The following PUDP variants were observed in gnomAD, a reference collection of about 807,000 sequenced individuals.
PUDP encodes the protein pseudouridine-5'-phosphatase.
Under a neutral mutation model 9.4 loss-of-function variants are expected in PUDP, and 8 were observed. That is an observed-to-expected ratio of 0.85 (90% CI 0.50 to 1.53). The LOEUF is 1.53. PUDP is among the 40% of genes most tolerant of loss of function. The pLI, the probability that PUDP is intolerant of heterozygous loss-of-function variation, is 0.00. For synonymous variants in PUDP, 99 were observed against 80.7 expected (o/e 1.23, Z -1.22); for missense variants, 188 against 189.7 (o/e 0.99, Z 0.05).
chrX:6,821,459 A>G (rs1926340690), intron 3 of PUDP, among the ~76,000 whole-genome samples: 1 of 110,926 alleles, frequency 9.0e-6, no homozygotes, highest in East Asian at 2.8e-4. Context: ...CCCAGCACTC[A>G]CTTATTGGCA....
upstream of PUDP, among the ~76,000 whole-genome samples, chrX:6,723,973 G>C (rs763248978): frequency 2.7e-5 from 3 of 111,542 alleles, no homozygotes; most frequent in African/African-American, 9.7e-5. Flanking sequence ...AAGCTCAGTT[G>C]ATTGGGTTCA....
At chrX:6,807,344 C>T (rs1404559361) in intron 3 of PUDP, among the ~76,000 whole-genome samples, 2 of 111,710 alleles carry the variant, frequency 1.8e-5, no homozygotes, top group African/African-American at 6.5e-5. Context: ...TTAGGTAGCT[C>T]CAACATAATA....
At chrX:6,855,920 T>C (rs1926898905) in intron 3 of PUDP, among the ~76,000 whole-genome samples, 1 of 111,285 alleles carries the variant, frequency 9.0e-6, no homozygotes, top group Admixed American at 9.7e-5. Flanking sequence ...AATGATTCTC[T>C]CAGTTCTTGC....
intron 1 of PUDP, among the ~76,000 whole-genome samples, chrX:6,716,176 A>G (rs2146653096): frequency 9.0e-6 from 1 of 110,869 alleles, no homozygotes; most frequent in East Asian, 2.8e-4. Context: ...CCCATTTTTG[A>G]GAAGATGCTG....
At chrX:6,804,709 G>A (rs1241294486) in intron 3 of PUDP, among the ~76,000 whole-genome samples, 1 of 111,284 alleles carries the variant, frequency 9.0e-6, no homozygotes, top group East Asian at 2.8e-4. Context: ...GCCTCTGCAT[G>A]GTTGTTGATC....
chrX:6,822,738 G>A (rs1926365994), intron 3 of PUDP, among the ~76,000 whole-genome samples: 1 of 104,869 alleles, frequency 9.5e-6, no homozygotes, highest in African/African-American at 3.5e-5. Flanking sequence ...GGGTACACGT[G>A]ATGGTTTGTT....
chrX:6,814,909 G>A (rs1182605497), intron 3 of PUDP, among the ~76,000 whole-genome samples: 2 of 111,494 alleles, frequency 1.8e-5, no homozygotes, highest in African/African-American at 6.5e-5. Context: ...CTGAAGTCAG[G>A]ATTAGGGACC....
At chrX:6,995,300 G>A (rs1325554324) in intron 1 of PUDP, among the ~76,000 whole-genome samples, 4 of 111,686 alleles carry the variant, frequency 3.6e-5, no homozygotes, top group Non-Finnish European at 7.5e-5. Flanking sequence ...ATGAACCTAG[G>A]TATGACAAGT....
intron 3 of PUDP, among the ~76,000 whole-genome samples, chrX:6,917,929 C>G (rs1927960244): frequency 8.9e-6 from 1 of 111,826 alleles, no homozygotes; most frequent in South Asian, 3.8e-4. Context: ...AACAAAGAAA[C>G]GCCAAACCAG....
At chrX:6,796,683 A>C (rs1315320695) in intron 3 of PUDP, among the ~76,000 whole-genome samples, 1 of 112,389 alleles carries the variant, frequency 8.9e-6, no homozygotes, top group Non-Finnish European at 1.9e-5. Context: ...GTAATCTAAA[A>C]TACAATAAGA....
At chrX:6,874,338 T>C (rs940391845) in intron 3 of PUDP, among the ~76,000 whole-genome samples, 2 of 111,519 alleles carry the variant, frequency 1.8e-5, no homozygotes, top group Non-Finnish European at 3.8e-5. Context: ...ACAGAGAAAA[T>C]AGAAGTCAAG....
chrX:6,932,190 G>A (rs1004260754), intron 3 of PUDP, among the ~76,000 whole-genome samples: 4 of 111,093 alleles, frequency 3.6e-5, no homozygotes, highest in African/African-American at 9.8e-5. Context: ...TTAAAAAGCC[G>A]AGCGTTCCTG....
At chrX:7,096,918 T>C (rs1931590010) in intron 2 of PUDP, among the ~76,000 whole-genome samples, 1 of 111,063 alleles carries the variant, frequency 9.0e-6, no homozygotes, top group Admixed American at 9.6e-5. Context: ...CATCCTTTCA[T>C]TCCTCTAGTG....
rs181548346 is a variant in PUDP, at chrX:7,023,991, G to T, written c.205-45648C>A. On this transcript the variant is annotated intron_variant and NMD_transcript_variant, in intron 1 of 3. Transcript: ENST00000655425. ...TTCTGAAGCTACTGAAAATAGTATT[G>T]ATTCTTCATTGCTAGTATATAAAAT... Among the ~76,000 whole-genome samples the T allele has an allele frequency of 4.5e-5, 5 of 111,614 alleles. No homozygotes were observed. The East Asian group carries it at 1.4e-3, about 31-fold the overall frequency.
chrX:7,117,072 A>C (rs1932217461), intron 1 of PUDP: 1 of 1,161,353 alleles, frequency 8.6e-7, no homozygotes, highest in Admixed American at 2.6e-5. Context: ...TTGTTCTTCT[A>C]AATTATCTAG....
At chrX:6,719,547 T>A (rs1389146185) in intron 1 of PUDP, among the ~76,000 whole-genome samples, 2 of 111,997 alleles carry the variant, frequency 1.8e-5, no homozygotes, top group Non-Finnish European at 3.8e-5. Context: ...CAATTGAAAA[T>A]CAATGAAACC....
downstream of PUDP, among the ~76,000 whole-genome samples, chrX:7,046,227 G>C (rs1447662766): frequency 1.8e-5 from 2 of 112,109 alleles, no homozygotes; most frequent in East Asian, 5.6e-4. Flanking sequence ...AGGTAATTAA[G>C]GTTAAACAAG....
In PUDP at chrX:7,050,169, C is replaced by A. The variant is rs1281575512; in HGVS notation, c.*127G>T. On this transcript the variant is annotated 3_prime_UTR_variant, in exon 4 of 4. Coordinates refer to ENST00000381077, the MANE Select transcript of PUDP (RefSeq NM_012080.5). ...GGGACAAACCAACATGGGATGGAAACTCCAATCTCAGGAGGCTAAAATCAC... is the reference window on the plus strand; with the variant it reads ...GGGACAAACCAACATGGGATGGAAAATCCAATCTCAGGAGGCTAAAATCAC... 1.1e-5 allele frequency: 7 copies of A among 639,613 alleles called. No homozygotes were observed. Among genetic ancestry groups the A allele is most frequent in the African/African-American group, 4.5e-5 (2 of 44,283 alleles). The allele number at this position is 639,613 out of a possible 1,213,427, so 52.7% of individuals were successfully genotyped here.
chrX:6,748,314 A>G (rs969882066), intron 3 of PUDP, among the ~76,000 whole-genome samples: 2 of 111,785 alleles, frequency 1.8e-5, no homozygotes, highest in Non-Finnish European at 3.8e-5. Flanking sequence ...TTTATGTTCA[A>G]CCATAAAGAT....
Sources: allele counts gnomAD v4.1 joint callset (sites outside exome capture counted in the v4.1 genomes callset), GRCh38; gene constraint gnomAD v4.1.1; transcripts MANE v1.5; gene names NCBI Gene and HGNC (gene_info 2026-07-23, HGNC 2026-07-21).